The following CYP46A1 variants were observed in gnomAD, a reference collection of about 807,000 sequenced individuals.
The protein encoded by CYP46A1 is cholesterol 24-hydroxylase.
A neutral mutation model predicts 63.3 loss-of-function variants in CYP46A1; 20 were observed. The ratio of observed to expected loss-of-function variants is 0.32; its 90% CI spans 0.22 to 0.46. CYP46A1 has a LOEUF of 0.46. CYP46A1 is among the 20% of genes least tolerant of loss of function. The pLI, the probability that CYP46A1 is intolerant of heterozygous loss-of-function variation, is 1.00. For synonymous variants in CYP46A1, 268 were observed against 273.6 expected, an observed-to-expected ratio of 0.98 and a Z score of 0.20; for missense variants, 445 against 670.8, an observed-to-expected ratio of 0.66 and a Z score of 3.72.
chr14:99,700,263 G>A (rs2056619777), intron 5 of CYP46A1, among the ~76,000 whole-genome samples, 162 bp downstream of exon 5: 1 of 57,088 alleles, frequency 1.8e-5, no homozygotes, highest in African/African-American at 4.8e-5. Flanking sequence ...ATAGTCAAAA[G>A]GGAGAGAGAG....
intron 1 of CYP46A1, 126 bp downstream of exon 1, chr14:99,684,662 G>A (rs772472444): frequency 1.3e-6 from 1 of 749,868 alleles, no homozygotes; most frequent in South Asian, 1.5e-5. Flanking sequence ...GGGAGTCGGC[G>A]GCCCCGAGAG....
chr14:99,684,844 C>G (rs575997013), intron 1 of CYP46A1: 1 of 481,680 alleles, frequency 2.1e-6, no homozygotes, highest in East Asian at 5.5e-5. Context: ...GGCGAAGTCA[C>G]CTGCCCAAGG....
At chr14:99,699,270 T>C (rs576783055) in intron 3 of CYP46A1, among the ~76,000 whole-genome samples, 196 bp from the exon 4 acceptor site, 1 of 152,292 alleles carries the variant, frequency 6.6e-6, no homozygotes, top group African/African-American at 2.4e-5. Flanking sequence ...TTCGCCCCTC[T>C]GTGCTGCATT....
At chr14:99,693,745 TTTTA>T (rs1475475348) in intron 3 of CYP46A1, 2 of 152,182 alleles carry the variant, frequency 1.3e-5, no homozygotes, top group Non-Finnish European at 2.9e-5. Flanking sequence ...GGGCCTGGAG[TTTTA>T]TTTGAGGGAA....
chr14:99,722,010 C>T lies in CYP46A1; in HGVS notation c.1120C>T (p.Leu374=), dbSNP rs1310556823. ...YPPAWGTFRL[L]EEETLIDGVR... ...ACCAGCATGGGGCACCTTTCGCCTG[C>T]TGGAAGAGGAGACCTTGATTGATGG... The change falls in exon 12 of 15, where the codon CTG becomes TTG. Residue 374 remains leucine (L), a synonymous_variant. Transcript: ENST00000261835. The surrounding 1 kb of genome is among the most constrained non-coding windows in gnomAD (Gnocchi z 4.6). 2 of 1,613,662 alleles carry T rather than the reference C, an allele frequency of 1.2e-6. No individual in the cohort carries two copies. Among genetic ancestry groups the T allele is most frequent in the Non-Finnish European group, 1.7e-6 (2 of 1,179,918 alleles).
intron 11 of CYP46A1, 46 bp downstream of exon 11, chr14:99,721,369 T>C (rs774779726): frequency 7.7e-7 from 1 of 1,300,698 alleles, no homozygotes; most frequent in Admixed American, 1.7e-5. Flanking sequence ...TGGGTGATCA[T>C]GTCATCATGC....
At chr14:99,719,104 T>TA (rs932741448) in intron 10 of CYP46A1, among the ~76,000 whole-genome samples, 11 of 152,206 alleles carry the variant, frequency 7.2e-5, no homozygotes, top group African/African-American at 2.7e-4. Flanking sequence ...ATCCACTCTT[T>TA]AAAAAATTGT....
chr14:99,707,667 A>G lies in CYP46A1; in HGVS notation c.682A>G (p.Thr228Ala). 1.2e-6 allele frequency: 2 copies of G among 1,613,502 alleles called. No individual in the cohort carries two copies. The highest frequency in any genetic ancestry group is 1.7e-6 in the Non-Finnish European group (2 of 1,179,826). ...GGAGGGAATCACTGCGTCCCGCAACACTCTGGCAAAGGTACTGCCTCAGCA... is the reference window on the plus strand; with the variant it reads ...GGAGGGAATCACTGCGTCCCGCAACGCTCTGGCAAAGGTACTGCCTCAGCA... ...MLEGITASRN[T>A]LAKFLPGKRK... The change falls in exon 7 of 15, where the codon ACT becomes GCT. Residue 228 changes from threonine (T) to alanine (A), a missense_variant. Physicochemically the swap from Thr to Ala is moderately conservative, Grantham distance 58. Coordinates refer to ENST00000261835, the MANE Select transcript of CYP46A1 (RefSeq NM_006668.2).
intron 1 of CYP46A1, among the ~76,000 whole-genome samples, chr14:99,689,417 T>G (rs946407805): frequency 2.0e-5 from 3 of 152,202 alleles, no homozygotes; most frequent in African/African-American, 7.2e-5. Context: ...CTGGGAACCC[T>G]GGGGACTTGT....
rs542646446 is a variant in CYP46A1 at position 99,725,937 on chromosome 14, C to T, written c.1266-253C>T. Among the ~76,000 whole-genome samples the T allele has an allele frequency of 6.6e-6, 1 of 152,138 alleles. No individual in the cohort carries two copies. The highest frequency in any genetic ancestry group is 1.5e-5 in the Non-Finnish European group (1 of 68,026). ...ATGACCTGGAGTGAGTTGTTTTGCCCCTCTGAGCCTCAGTTTCTCCATCTG... is the reference window on the plus strand; with the variant it reads ...ATGACCTGGAGTGAGTTGTTTTGCCTCTCTGAGCCTCAGTTTCTCCATCTG... On this transcript the variant is annotated intron_variant, in intron 13 of 14. Transcript: ENST00000261835. The surrounding 1 kb of genome is among the most constrained non-coding windows in gnomAD (Gnocchi z 4.2).
intron 5 of CYP46A1, among the ~76,000 whole-genome samples, chr14:99,703,182 G>A (rs924019543): frequency 6.6e-6 from 1 of 152,178 alleles, no homozygotes; most frequent in Admixed American, 6.5e-5. Context: ...CTACTGATTT[G>A]TCCCATTGCT....
chr14:99,700,843 G>C (rs1392864820), intron 5 of CYP46A1, among the ~76,000 whole-genome samples: 1 of 152,178 alleles, frequency 6.6e-6, no homozygotes, highest in African/African-American at 2.4e-5. Context: ...GCATCCAGAA[G>C]AAGGCATTAT....
rs1254498809 is a variant in CYP46A1, at chr14:99,726,965, C to T, written c.*238C>T. 4 of 419,386 alleles carry T rather than the reference C, an allele frequency of 9.5e-6. No individual in the cohort carries two copies. The highest frequency in any genetic ancestry group is 1.7e-5 in the Non-Finnish European group (4 of 238,690). 26.0% of individuals were successfully genotyped at this position (419,386 alleles called of 1,614,324 possible). ...CAACTCCCAGCCACCACCACTGTCCCTACCACTGAGCCCTTGCACAGGCCA... is the reference window on the plus strand; with the variant it reads ...CAACTCCCAGCCACCACCACTGTCCTTACCACTGAGCCCTTGCACAGGCCA... On this transcript the variant is annotated 3_prime_UTR_variant, in exon 15 of 15. Transcript: ENST00000261835.
At chr14:99,720,364 A>G (rs1221031171) in intron 10 of CYP46A1, among the ~76,000 whole-genome samples, 2 of 151,942 alleles carry the variant, frequency 1.3e-5, no homozygotes, top group African/African-American at 2.4e-5. Context: ...GCAGTGCGCA[A>G]GGGTTCTTTC....
chr14:99,710,849 A>G (rs1223989899), intron 7 of CYP46A1: 2 of 152,184 alleles, frequency 1.3e-5, no homozygotes, highest in African/African-American at 4.8e-5. Flanking sequence ...TTTTCATCTA[A>G]TAGCTGCAGA....
intron 9 of CYP46A1, among the ~76,000 whole-genome samples, chr14:99,716,793 C>T (rs1201210358): frequency 6.6e-6 from 1 of 152,248 alleles, no homozygotes; most frequent in Non-Finnish European, 1.5e-5. Flanking sequence ...TTGCTCACCT[C>T]TGTTCTCCTG....
chr14:99,707,698 T>G lies in CYP46A1; in HGVS notation c.693+20T>G. ...GCAAAGGTACTGCCTCAGCACCCCC[T>G]CTGGTGACCAGCCACCAGAGCTGTT... is the stretch of plus-strand genomic sequence containing the variant. On this transcript the variant is annotated intron_variant, in intron 7 of 14. Coordinates refer to ENST00000261835, the MANE Select transcript of CYP46A1 (RefSeq NM_006668.2). 1 of 1,606,602 alleles carries G rather than the reference T, an allele frequency of 6.2e-7. No individual in the cohort carries two copies. Among genetic ancestry groups the G allele is most frequent in the Non-Finnish European group, 8.5e-7 (1 of 1,173,748 alleles).
chr14:99,726,692 G>C lies in CYP46A1; in HGVS notation c.1468G>C (p.Gly490Arg), dbSNP rs1281325466. The C allele has an allele frequency of 6.5e-7, 1 of 1,545,056 alleles. No homozygotes were observed. The highest frequency in any genetic ancestry group is 1.4e-5 in the African/African-American group (1 of 73,026). Residue 490 changes from glycine (G) to arginine (R), a missense_variant, in exon 15 of 15, where the codon GGC (glycine) becomes CGC (arginine). Coordinates refer to ENST00000261835, the MANE Select transcript of CYP46A1 (RefSeq NM_006668.2). ...CGTGCTGTGCACCCTGCGGCCCCGC[G>C]GCTGGCAGCCCGCACCCCCACCACC... ...DPVLCTLRPR[G>R]WQPAPPPPPC
chr14:99,724,038 G>A (rs2056872436), intron 12 of CYP46A1, among the ~76,000 whole-genome samples: 2 of 152,198 alleles, frequency 1.3e-5, no homozygotes, highest in South Asian at 4.1e-4. Flanking sequence ...TGTGCAGACA[G>A]CCACCTTCTC....
Sources: gnomAD v4.1 joint callset for allele counts (sites outside exome capture counted in the v4.1 genomes callset) on GRCh38, gnomAD v4.1.1 for gene constraint, Gnocchi (gnomAD v3.1) non-coding constraint, MANE v1.5 for transcripts, NCBI Gene and HGNC (gene_info 2026-07-23, HGNC 2026-07-21) for gene names.